Variants in SLC5A4 observed in about 807,000 individuals in gnomAD.
The protein encoded by SLC5A4 is solute carrier family 5 member 4.
A neutral mutation model predicts 70.3 loss-of-function variants in SLC5A4; 55 were observed. The observed-to-expected ratio is 0.78, with a 90% confidence interval of 0.63 to 0.98. The LOEUF is 0.98. SLC5A4 is among the 50% of genes least tolerant of loss of function. The pLI, the probability that SLC5A4 is intolerant of heterozygous loss-of-function variation, is 0.00. For missense variants in SLC5A4, 735 were observed against 839.2 expected, an observed-to-expected ratio of 0.88 and a Z score of 1.53; for synonymous variants, 268 against 305.7, an observed-to-expected ratio of 0.88 and a Z score of 1.29.
the SLC5A4 span, among the ~76,000 whole-genome samples, chr22:32,314,765 G>A: frequency 6.6e-6 from 1 of 152,190 alleles, no homozygotes; most frequent in Non-Finnish European, 1.5e-5. Context: ...CACAATCATG[G>A]TGAAAGGCAA....
intron 8 of SLC5A4, among the ~76,000 whole-genome samples, chr22:32,233,288 C>T (rs950625111): frequency 2.0e-5 from 3 of 152,262 alleles, no homozygotes; most frequent in African/African-American, 7.2e-5. Context: ...TTCAGCCATA[C>T]ACAACAACGA....
the SLC5A4 span, among the ~76,000 whole-genome samples, chr22:32,305,277 T>C: frequency 2.0e-4 from 31 of 152,176 alleles, no homozygotes; most frequent in Non-Finnish European, 7.3e-5. Context: ...AGTGTGGCTG[T>C]GTGAAGACAC....
At chr22:32,308,747 T>C in the SLC5A4 span, among the ~76,000 whole-genome samples, 72 of 145,352 alleles carry the variant, frequency 5.0e-4, no homozygotes, top group African/African-American at 1.8e-3. Context: ...AGGGACCAGA[T>C]CTACCTATGA....
chr22:32,343,742 T>C, the SLC5A4 span, among the ~76,000 whole-genome samples: 30 of 152,326 alleles, frequency 2.0e-4, no homozygotes, highest in Admixed American at 2.0e-4. Flanking sequence ...CAGCACTAGA[T>C]AAATTATCAA....
chr22:32,271,701 T>C, the SLC5A4 span: 2 of 568,064 alleles, frequency 3.5e-6, no homozygotes, highest in Non-Finnish European at 6.5e-6. Flanking sequence ...CCCGTGGGCA[T>C]CAATGGCCCT....
rs114754628 is a variant in SLC5A4 at position 32,227,555 on chromosome 22, A to C, written c.1280+1639T>G. On this transcript the variant is annotated intron_variant, in intron 11 of 14. Transcript: ENST00000266086. ...AAGAGTAGACAAATTCTGATATCTT[A>C]CTACAGTGGAACATCACAGAGAAAG... 8.3e-3 allele frequency among the ~76,000 whole-genome samples: 1,268 copies of C among 152,370 alleles called. 14 individuals carry two copies. The highest frequency in any genetic ancestry group is 0.028 in the African/African-American group (1,183 of 41,582).
the SLC5A4 span, among the ~76,000 whole-genome samples, chr22:32,316,108 G>A: frequency 3.4e-4 from 45 of 132,018 alleles, no homozygotes; most frequent in South Asian, 1.4e-3. Context: ...GACTCTGTCT[G>A]AAAAAAAAAA....
chr22:32,350,619 A>G, the SLC5A4 span, among the ~76,000 whole-genome samples: 3 of 152,150 alleles, frequency 2.0e-5, no homozygotes, highest in Non-Finnish European at 2.9e-5. Context: ...AATTTTTTCT[A>G]TATGCTTTAA....
the SLC5A4 span, chr22:32,272,391 C>T: frequency 2.0e-5 from 18 of 907,702 alleles, no homozygotes; most frequent in South Asian, 4.2e-5. Context: ...TGCGGGCCAG[C>T]GAGCTGACGG....
the SLC5A4 span, among the ~76,000 whole-genome samples, chr22:32,282,768 G>A: frequency 6.6e-6 from 1 of 152,144 alleles, no homozygotes; most frequent in Non-Finnish European, 1.5e-5. Context: ...TCTTCCCCAT[G>A]GCTTGGGCCA....
At chr22:32,304,061 T>C in the SLC5A4 span, among the ~76,000 whole-genome samples, 2 of 152,232 alleles carry the variant, frequency 1.3e-5, no homozygotes, top group Non-Finnish European at 2.9e-5. Flanking sequence ...TGGAGCATCT[T>C]TTCAGATGCT....
At chr22:32,268,339 C>T in the SLC5A4 span, 3 of 152,144 alleles carry the variant, frequency 2.0e-5, no homozygotes, top group African/African-American at 7.2e-5. Flanking sequence ...TCTCATCTCC[C>T]TATCTTATCT....
chr22:32,352,855 G>C, the SLC5A4 span, among the ~76,000 whole-genome samples: 2 of 152,232 alleles, frequency 1.3e-5, no homozygotes, highest in African/African-American at 2.4e-5. Context: ...GTGCTCTTCA[G>C]TTTTCATTGC....
chr22:32,261,400 T>C, the SLC5A4 span, among the ~76,000 whole-genome samples: 2 of 152,236 alleles, frequency 1.3e-5, no homozygotes, highest in Non-Finnish European at 2.9e-5. Flanking sequence ...TTGTCCACCT[T>C]CGTTGTTCCC....
chr22:32,308,207 C>A, the SLC5A4 span, among the ~76,000 whole-genome samples: 9 of 150,968 alleles, frequency 6.0e-5, no homozygotes, highest in Non-Finnish European at 7.4e-5. Flanking sequence ...TGTAAATTCA[C>A]TTCTGAAGGC....
At chr22:32,308,938 C>T in the SLC5A4 span, among the ~76,000 whole-genome samples, 1 of 152,152 alleles carries the variant, frequency 6.6e-6, no homozygotes, top group Non-Finnish European at 1.5e-5. Context: ...TTATTCCTTC[C>T]TTCCTTCTTA....
At chr22:32,236,231 T>C (rs367699583) in intron 7 of SLC5A4, among the ~76,000 whole-genome samples, 2 of 152,246 alleles carry the variant, frequency 1.3e-5, no homozygotes, top group Non-Finnish European at 2.9e-5. Context: ...CCGTCCAGTA[T>C]GGCTAGTTTT....
Position 32,251,087 on chromosome 22 carries a change from A to G in SLC5A4, c.312+683T>C, listed in dbSNP as rs187294760. Among the ~76,000 whole-genome samples, 35 of 142,040 alleles carry G rather than the reference A, an allele frequency of 2.5e-4. No individual in the cohort carries two copies. In the East Asian group the frequency reaches 4.3e-3, roughly 18 times the overall value. 93.2% of individuals were successfully genotyped at this position (142,040 alleles called of 152,430 possible). A position where few individuals can be genotyped will look rare whatever the true frequency, so the allele number is the denominator to read the frequency against. On this transcript the variant is annotated intron_variant, in intron 3 of 14. Coordinates refer to ENST00000266086, the MANE Select transcript of SLC5A4 (RefSeq NM_014227.3). ...ATGTATACCTATGTAACAAACCTGCAGGTTCTGCACATGTATCCCAGAACT... is the reference window on the plus strand; with the variant it reads ...ATGTATACCTATGTAACAAACCTGCGGGTTCTGCACATGTATCCCAGAACT...
At chr22:32,300,698 T>C in the SLC5A4 span, among the ~76,000 whole-genome samples, 1 of 152,228 alleles carries the variant, frequency 6.6e-6, no homozygotes, top group African/African-American at 2.4e-5. Context: ...AAGCATAATA[T>C]CTGGAGCTTC....
Sources: allele counts gnomAD v4.1 joint callset (sites outside exome capture counted in the v4.1 genomes callset), GRCh38; gene constraint gnomAD v4.1.1; transcripts MANE v1.5; gene names NCBI Gene and HGNC (gene_info 2026-07-23, HGNC 2026-07-21).